IL1RAPL1: variants seen among roughly 807,000 people sequenced by gnomAD.
The protein encoded by IL1RAPL1 is interleukin-1 receptor accessory protein-like 1.
A neutral mutation model predicts 48.4 loss-of-function variants in IL1RAPL1; 3 were observed. The ratio of observed to expected loss-of-function variants is 0.06; its 90% confidence interval spans 0.03 to 0.16. The LOEUF (loss-of-function observed/expected upper bound fraction) is 0.16. IL1RAPL1 is among the 10% of genes least tolerant of loss of function. IL1RAPL1 has a pLI of 1.00. For missense variants in IL1RAPL1, 349 were observed against 530.6 expected (o/e 0.66, Z 3.36); for synonymous variants, 185 against 187.7 (o/e 0.99, Z 0.12).
At chrX:28,814,118 A>G (rs1396121311) in intron 2 of IL1RAPL1, among the ~76,000 whole-genome samples, 1 of 110,588 alleles carries the variant, frequency 9.0e-6, no homozygotes, top group Non-Finnish European at 1.9e-5. Context: ...AGTTACGGTA[A>G]TCTTTGATTG....
At chrX:29,125,830 A>C in intron 2 of IL1RAPL1, among the ~76,000 whole-genome samples, 1 of 103,376 alleles carries the variant, frequency 9.7e-6, no homozygotes, top group Admixed American at 1.1e-4. Flanking sequence ...AAGACCTTTC[A>C]ACAATGTATA....
At chrX:29,415,311 GTGA>G (rs1934199615) in intron 5 of IL1RAPL1, among the ~76,000 whole-genome samples, 2 of 111,993 alleles carry the variant, frequency 1.8e-5, no homozygotes, top group African/African-American at 6.5e-5. Flanking sequence ...ATGTCTCAGT[GTGA>G]TGATGCCTAT....
At chrX:29,252,279 AAAAG>A (rs1282050590) in intron 2 of IL1RAPL1, among the ~76,000 whole-genome samples, 8 of 92,728 alleles carry the variant, frequency 8.6e-5, no homozygotes, top group Non-Finnish European at 1.6e-4. Flanking sequence ...AGTAAAAGAA[AAAAG>A]AAAAAAAAAA....
Position 28,938,865 on chromosome X carries a change from A to G in IL1RAPL1, c.82+149440A>G, listed in dbSNP as rs149689991. Among the ~76,000 whole-genome samples the G allele has an allele frequency of 7.0e-3, 774 of 111,148 alleles. 4 individuals are homozygous for G. The highest frequency in any genetic ancestry group is 0.011 in the Non-Finnish European group (556 of 52,907). The stretch of plus-strand genomic sequence containing the variant: ...GTCCCATTAAAAAGTGGGCAAGGGC[A>G]TGAACAGATACTTTTCAAAAGAAGA... On this transcript the variant is annotated intron_variant, in intron 2 of 10. Transcript: ENST00000378993.
intron 1 of IL1RAPL1, among the ~76,000 whole-genome samples, chrX:28,787,279 T>G (rs930079016): frequency 8.9e-6 from 1 of 112,156 alleles, no homozygotes; most frequent in Non-Finnish European, 1.9e-5. Context: ...TCTTGGGCAG[T>G]GCTGATTAAA....
chrX:28,807,450 A>G (rs1385899843), intron 2 of IL1RAPL1, among the ~76,000 whole-genome samples: 2 of 112,037 alleles, frequency 1.8e-5, no homozygotes, highest in Non-Finnish European at 3.8e-5. Context: ...TTGTTGACAT[A>G]TTCTGAATTA....
intron 2 of IL1RAPL1, among the ~76,000 whole-genome samples, chrX:29,128,335 T>G (rs1928943012): frequency 9.0e-6 from 1 of 110,586 alleles, no homozygotes; most frequent in Non-Finnish European, 1.9e-5. Context: ...CAGCCTCACT[T>G]CTCCTCAATT....
At chrX:29,729,740 G>T in intron 6 of IL1RAPL1, among the ~76,000 whole-genome samples, 1 of 110,846 alleles carries the variant, frequency 9.0e-6, no homozygotes, top group East Asian at 2.8e-4. Flanking sequence ...CTAACACAGT[G>T]ACTGTATTAA....
intron 3 of IL1RAPL1, among the ~76,000 whole-genome samples, chrX:29,390,494 A>C (rs1933840153): frequency 8.9e-6 from 1 of 111,984 alleles, no homozygotes; most frequent in African/African-American, 3.2e-5. Context: ...TTCATGAAGT[A>C]GGAAAAGATT....
chrX:29,932,468 T>C (rs921906195), intron 8 of IL1RAPL1, among the ~76,000 whole-genome samples: 4 of 111,901 alleles, frequency 3.6e-5, no homozygotes, highest in African/African-American at 1.3e-4. Flanking sequence ...TAAAAAAAGA[T>C]AACATATTCT....
intron 6 of IL1RAPL1, among the ~76,000 whole-genome samples, chrX:29,725,019 G>A (rs1360764942): frequency 1.8e-5 from 2 of 110,616 alleles, no homozygotes; most frequent in Middle Eastern, 4.6e-3. Context: ...TGAAAATCTT[G>A]CATTTAGAGT....
intron 2 of IL1RAPL1, among the ~76,000 whole-genome samples, chrX:29,193,484 C>T (rs888572205): frequency 1.8e-5 from 2 of 110,935 alleles, no homozygotes; most frequent in Admixed American, 9.7e-5. Context: ...AGATAAATAG[C>T]CTTTTAGGAA....
At chrX:29,925,638 A>G (rs1450158420) in intron 8 of IL1RAPL1, among the ~76,000 whole-genome samples, 1 of 107,605 alleles carries the variant, frequency 9.3e-6, no homozygotes, top group Non-Finnish European at 1.9e-5. Flanking sequence ...CCTGGGTTCA[A>G]GCAATCCTCT....
At chrX:29,698,049 C>G (rs1926958913) in intron 6 of IL1RAPL1, among the ~76,000 whole-genome samples, 2 of 111,345 alleles carry the variant, frequency 1.8e-5, no homozygotes, top group African/African-American at 6.5e-5. Flanking sequence ...CTCCTCCCCT[C>G]ATCTTTACTT....
chrX:29,000,209 T>G (rs1329227547), intron 2 of IL1RAPL1, among the ~76,000 whole-genome samples: 1 of 111,969 alleles, frequency 8.9e-6, no homozygotes, highest in Non-Finnish European at 1.9e-5. Context: ...GGATACTGCA[T>G]GGCATCCTTC....
chrX:29,770,708 G>A (rs1929045048), intron 6 of IL1RAPL1, among the ~76,000 whole-genome samples: 1 of 112,221 alleles, frequency 8.9e-6, no homozygotes, highest in African/African-American at 3.2e-5. Context: ...AAGAGCGTCT[G>A]TTACCACCAT....
intron 3 of IL1RAPL1, among the ~76,000 whole-genome samples, chrX:29,361,973 G>A (rs1325470713): frequency 8.9e-6 from 1 of 112,051 alleles, no homozygotes; most frequent in Non-Finnish European, 1.9e-5. Flanking sequence ...AGAGCCAAGA[G>A]AGCTTATTAA....
At chrX:28,622,037 C>G (rs1208602607) in intron 1 of IL1RAPL1, among the ~76,000 whole-genome samples, 1 of 111,416 alleles carries the variant, frequency 9.0e-6, no homozygotes, top group Non-Finnish European at 1.9e-5. Flanking sequence ...GTCTTGCTTC[C>G]TATTGTGCCT....
At chrX:29,545,544 C>T (rs183900000) in intron 5 of IL1RAPL1, among the ~76,000 whole-genome samples, 1 of 111,630 alleles carries the variant, frequency 9.0e-6, no homozygotes, top group East Asian at 2.8e-4. Context: ...CTTGTGACTT[C>T]TTGTGTTTTA....
Sources: allele counts gnomAD v4.1 joint callset (sites outside exome capture counted in the v4.1 genomes callset), GRCh38; gene constraint gnomAD v4.1.1; transcripts MANE v1.5; gene names NCBI Gene and HGNC (gene_info 2026-07-23, HGNC 2026-07-21).